Variants in BMPR2 observed in about 807,000 individuals in gnomAD.
BMPR2 encodes bone morphogenetic protein receptor type 2.
A neutral mutation model predicts 100.8 loss-of-function variants in BMPR2; 29 were observed. The observed-to-expected ratio is 0.29, with a 90% confidence interval of 0.21 to 0.39. The LOEUF (loss-of-function observed/expected upper bound fraction) is 0.39, where lower values mean the gene tolerates loss of function less well. BMPR2 is among the 10% of genes least tolerant of loss of function. The pLI is 1.00. For synonymous variants in BMPR2, 382 were observed against 442.3 expected, an observed-to-expected ratio of 0.86 and a Z score of 1.71; for missense variants, 1,011 against 1,274.5, an observed-to-expected ratio of 0.79 and a Z score of 3.15.
chr2:202,424,525 G>A (rs947647986), intron 1 of BMPR2, among the ~76,000 whole-genome samples: 7 of 151,716 alleles, frequency 4.6e-5, no homozygotes, highest in African/African-American at 9.7e-5. Context: ...GTGAAACCCC[G>A]TCTCTACTAA....
rs6435156 is a variant in BMPR2, at chr2:202,560,752, C to T, written c.*806C>T. On this transcript the variant is annotated 3_prime_UTR_variant, in exon 13 of 13. Coordinates refer to ENST00000374580, the MANE Select transcript of BMPR2 (RefSeq NM_001204.7). ...ATCCTAAATGTTTCCTTCAAGGCAT[C>T]TTAATAAACTTATTTGCTTCTGGTT... The T allele has an allele frequency of 0.32, 48,534 of 152,400 alleles. 8,565 individuals are homozygous for T. Among genetic ancestry groups the T allele is most frequent in the African/African-American group, 0.48 (19,754 of 41,420 alleles). 9.4% of individuals were successfully genotyped at this position (152,400 alleles called of 1,614,324 possible).
rs1203910230 is a variant in BMPR2, at chr2:202,564,526, A to AT, written c.*4584dup. ...TTTACTCTCCAGCATATAAGGTTGC[A>AT]TTTTAACTTTTAGATTATGAACTGT... On this transcript the variant is annotated 3_prime_UTR_variant, in exon 13 of 13. Transcript: ENST00000374580. 2 of 152,204 alleles carry AT rather than the reference A, an allele frequency of 1.3e-5. No individual in the cohort carries two copies. Among genetic ancestry groups the AT allele is most frequent in the Non-Finnish European group, 2.9e-5 (2 of 68,024 alleles). The allele number at this position is 152,204 out of a possible 1,614,324, so 9.4% of individuals were successfully genotyped here.
intron 6 of BMPR2, 131 bp from the exon 7 acceptor site, chr2:202,519,956 G>A (rs1687790710): frequency 3.0e-6 from 2 of 667,690 alleles, no homozygotes; most frequent in East Asian, 5.4e-5. Context: ...ATTCTGAAAT[G>A]TAGTAGTTCA....
intron 1 of BMPR2, among the ~76,000 whole-genome samples, chr2:202,428,863 A>T (rs1053932494): frequency 6.6e-6 from 1 of 152,166 alleles, no homozygotes; most frequent in Admixed American, 6.5e-5. Flanking sequence ...ATCTTTCCAC[A>T]TATATCTAAC....
chr2:202,527,380 C>T (rs567615687), intron 7 of BMPR2, among the ~76,000 whole-genome samples: 14 of 151,586 alleles, frequency 9.2e-5, no homozygotes, highest in African/African-American at 2.9e-4. Flanking sequence ...CCCAGCTACT[C>T]GGTAGGCTGA....
chr2:202,395,976 C>T (rs1184438282), intron 1 of BMPR2, among the ~76,000 whole-genome samples: 1 of 151,982 alleles, frequency 6.6e-6, no homozygotes, highest in Non-Finnish European at 1.5e-5. Context: ...AAAAAGCTTA[C>T]AATTCCTTTG....
In BMPR2 at chr2:202,376,374, C is replaced by T. The variant is rs1180148249; in HGVS notation, c.-1101C>T. Among the ~76,000 whole-genome samples the T allele has an allele frequency of 3.4e-5, 5 of 148,362 alleles. No homozygotes were observed. The highest frequency in any genetic ancestry group is 2.2e-4 in the South Asian group (1 of 4,596). On this transcript the variant is annotated 5_prime_UTR_variant, in exon 1 of 13. Coordinates refer to ENST00000374580, the MANE Select transcript of BMPR2 (RefSeq NM_001204.7). ...CTGCTCGGAGCCACTGGAAGTGCCT[C>T]CCGGAGGGACGCAGGGTGTCTCGCC...
At chr2:202,380,021 C>A (rs558229494) in intron 1 of BMPR2, among the ~76,000 whole-genome samples, 108 of 152,154 alleles carry the variant, frequency 7.1e-4, no homozygotes, top group African/African-American at 2.5e-3. Flanking sequence ...CCATGCCCAG[C>A]TAATTTATTT....
intron 3 of BMPR2, among the ~76,000 whole-genome samples, chr2:202,479,397 G>GTATGATCTCAGCTCACTGCAACCTC (rs1559050952): frequency 6.6e-6 from 1 of 152,116 alleles, no homozygotes. Context: ...AAAGATCCTG[G>GTATGATCTCAGCTCACTGCAACCTC]CAGAGCACTT....
chr2:202,381,880 T>G (rs1690301921), intron 1 of BMPR2, among the ~76,000 whole-genome samples: 1 of 147,176 alleles, frequency 6.8e-6, no homozygotes, highest in Non-Finnish European at 1.5e-5. Flanking sequence ...TAAAGGCCAG[T>G]TTTTTTTTTA....
chr2:202,528,218 C>G (rs1687954620), intron 7 of BMPR2, among the ~76,000 whole-genome samples: 1 of 152,196 alleles, frequency 6.6e-6, no homozygotes, highest in South Asian at 2.1e-4. Flanking sequence ...GATGGAGTCT[C>G]GCTCTGTCGC....
chr2:202,535,127 G>A (rs79570225), intron 9 of BMPR2, among the ~76,000 whole-genome samples: 2 of 139,570 alleles, frequency 1.4e-5, no homozygotes, highest in East Asian at 2.2e-4. Context: ...CTGGCCGGGC[G>A]GGGGGCTGAC....
At chr2:202,445,705 C>T (rs1691835319) in intron 1 of BMPR2, among the ~76,000 whole-genome samples, 1 of 150,308 alleles carries the variant, frequency 6.7e-6, no homozygotes. Context: ...AGTGATCCTC[C>T]CGCCTTGGCC....
At chr2:202,559,237 G>C (rs918745993) in intron 12 of BMPR2, among the ~76,000 whole-genome samples, 1 of 151,948 alleles carries the variant, frequency 6.6e-6, no homozygotes, top group Non-Finnish European at 1.5e-5. Context: ...GGGAAACAGA[G>C]GTTGCAGTGA....
At chr2:202,415,203 C>T (rs1042712674) in intron 1 of BMPR2, among the ~76,000 whole-genome samples, 2 of 152,086 alleles carry the variant, frequency 1.3e-5, no homozygotes, top group African/African-American at 4.8e-5. Context: ...GGCTCAGTGG[C>T]TCACACCTGT....
intron 1 of BMPR2, among the ~76,000 whole-genome samples, chr2:202,394,165 C>T (rs1690613656): frequency 6.6e-6 from 1 of 152,048 alleles, no homozygotes. Context: ...GCCTGGCCAA[C>T]ATGGTGAAAC....
In BMPR2 at chr2:202,376,949, C is replaced by G. The variant is rs989337891; in HGVS notation, c.-526C>G. On this transcript the variant is annotated 5_prime_UTR_variant, in exon 1 of 13. Transcript: ENST00000374580. ...AATCAGAGTGAAGGAAGCACCGAAG[C>G]GAAACTTAAGGAATCCTGCCTTCCC... The G allele has an allele frequency of 4.5e-6, 2 of 445,678 alleles. No homozygotes were observed. The highest frequency in any genetic ancestry group is 7.9e-6 in the Non-Finnish European group (2 of 254,710). 27.6% of individuals were successfully genotyped at this position (445,678 alleles called of 1,614,324 possible).
intron 1 of BMPR2, among the ~76,000 whole-genome samples, chr2:202,421,310 GAA>G (rs35984037): frequency 1.1e-3 from 104 of 94,822 alleles, no homozygotes; most frequent in Non-Finnish European, 1.6e-3. Flanking sequence ...TCTCCAAAAG[GAA>G]AAAAAAAAAA....
chr2:202,535,957 G>T (rs1163725875), intron 9 of BMPR2, among the ~76,000 whole-genome samples: 2 of 151,142 alleles, frequency 1.3e-5, no homozygotes, highest in African/African-American at 2.4e-5. Flanking sequence ...GCCTGCAATC[G>T]CAGGCACTCG....
Sources: gnomAD v4.1 joint callset for allele counts (sites outside exome capture counted in the v4.1 genomes callset) on GRCh38, gnomAD v4.1.1 for gene constraint, MANE v1.5 for transcripts, NCBI Gene and HGNC (gene_info 2026-07-23, HGNC 2026-07-21) for gene names.